ANKRD44: variants seen among roughly 807,000 people sequenced by gnomAD.
ANKRD44 encodes serine/threonine-protein phosphatase 6 regulatory ankyrin repeat subunit B.
Under a neutral mutation model 116.0 loss-of-function variants are expected in ANKRD44, and 35 were observed. That is an observed-to-expected ratio of 0.30 (90% CI 0.23 to 0.40). The LOEUF is 0.40. ANKRD44 is among the 10% of genes least tolerant of loss of function. ANKRD44 has a pLI of 1.00. For missense variants in ANKRD44, 1,014 were observed against 1,242.6 expected (o/e 0.82, Z 2.77); for synonymous variants, 435 against 461.8 (o/e 0.94, Z 0.74).
rs560068830 is a variant in ANKRD44 at position 197,092,117 on chromosome 2, CA to C, written c.1101-2086del. On this transcript the variant is annotated intron_variant, in intron 10 of 27. Transcript: ENST00000282272. ...GTGCTGAATTGTGGCTCATAATAAA[CA>C]GCATCACCAGGTGGCTCCTGTGTAC... Among the ~76,000 whole-genome samples, 3 of 152,310 alleles carry C rather than the reference CA, an allele frequency of 2.0e-5. No homozygotes were observed. The East Asian group carries it at 5.8e-4, about 29-fold the overall frequency.
At chr2:197,068,802 G>A (rs987009952) in intron 16 of ANKRD44, among the ~76,000 whole-genome samples, 3 of 152,176 alleles carry the variant, frequency 2.0e-5, no homozygotes, top group Non-Finnish European at 4.4e-5. Flanking sequence ...GAAACAACAG[G>A]TGCTGGAGAG....
At chr2:197,060,103 A>T (rs1259324883) in intron 16 of ANKRD44, among the ~76,000 whole-genome samples, 1 of 152,204 alleles carries the variant, frequency 6.6e-6, no homozygotes, top group Non-Finnish European at 1.5e-5. Flanking sequence ...CTAGGACATC[A>T]TGTTTTATCT....
At chr2:196,999,689 G>A (rs1426366821) in intron 23 of ANKRD44, among the ~76,000 whole-genome samples, 1 of 151,934 alleles carries the variant, frequency 6.6e-6, no homozygotes, top group Non-Finnish European at 1.5e-5. Context: ...TGCCTCATGG[G>A]TTCACGCCAT....
At chr2:196,999,418 G>A (rs765334963) in intron 23 of ANKRD44, among the ~76,000 whole-genome samples, 18 of 151,984 alleles carry the variant, frequency 1.2e-4, no homozygotes, top group Non-Finnish European at 1.2e-4. Context: ...TTAAAAACCC[G>A]TCACATCATC....
intron 4 of ANKRD44, among the ~76,000 whole-genome samples, chr2:197,128,973 A>T (rs1307047661): frequency 6.6e-6 from 1 of 152,120 alleles, no homozygotes; most frequent in East Asian, 1.9e-4. Flanking sequence ...CTATAAATGT[A>T]ATTATTTTAT....
intron 9 of ANKRD44, among the ~76,000 whole-genome samples, chr2:197,106,807 T>TATATA (rs1553509477): frequency 0.078 from 8,374 of 107,040 alleles, 674 homozygotes; most frequent in African/African-American, 0.23. Context: ...TATATATATA[T>TATATA]TTTTTTTTTT....
chr2:197,101,371 G>A (rs2078289833), intron 9 of ANKRD44, among the ~76,000 whole-genome samples: 1 of 152,144 alleles, frequency 6.6e-6, no homozygotes, highest in South Asian at 2.1e-4. Context: ...ACAATTCCCA[G>A]AGCAGATGCG....
chr2:197,199,823 C>A (rs1290189536), intron 1 of ANKRD44, among the ~76,000 whole-genome samples: 1 of 152,144 alleles, frequency 6.6e-6, no homozygotes, highest in Non-Finnish European at 1.5e-5. Context: ...AGGATTAAAT[C>A]ATTTCTCTTA....
chr2:197,140,598 GAT>G (rs1337201773), intron 3 of ANKRD44, among the ~76,000 whole-genome samples: 2 of 151,928 alleles, frequency 1.3e-5, no homozygotes, highest in Admixed American at 1.3e-4. Context: ...TGGGATTACA[GAT>G]GTGAGCCACC....
intron 1 of ANKRD44, among the ~76,000 whole-genome samples, chr2:197,309,574 C>T (rs1212556876): frequency 1.3e-5 from 2 of 152,134 alleles, no homozygotes; most frequent in Non-Finnish European, 2.9e-5. Context: ...TATTTAATAC[C>T]AAGGGCTGGC....
At chr2:197,103,928 T>A (rs73051317) in intron 9 of ANKRD44, among the ~76,000 whole-genome samples, 8,381 of 152,226 alleles carry the variant, frequency 0.055, 454 homozygotes, top group African/African-American at 0.13. Context: ...TACATTACAA[T>A]CCTTCCCATG....
intron 16 of ANKRD44, among the ~76,000 whole-genome samples, chr2:197,042,188 C>T (rs1304644145): frequency 6.6e-6 from 1 of 152,080 alleles, no homozygotes; most frequent in African/African-American, 2.4e-5. Context: ...ACTGCGGGGT[C>T]CACCTTAGCC....
intron 17 of ANKRD44, chr2:197,015,208 G>A: frequency 3.2e-6 from 1 of 311,726 alleles, no homozygotes; most frequent in Non-Finnish European, 6.2e-6. Context: ...AGGAACCAGA[G>A]AGCTGTTTCT....
Position 196,988,534 on chromosome 2 carries a change from T to TAATTAAATC in ANKRD44, c.*1048_*1056dup. The TAATTAAATC allele has an allele frequency of 2.0e-6, 2 of 985,300 alleles. No individual in the cohort carries two copies. The highest frequency in any genetic ancestry group is 2.4e-6 in the Non-Finnish European group (2 of 829,802). The allele number at this position is 985,300 out of a possible 1,614,324, so 61.0% of individuals were successfully genotyped here. On this transcript the variant is annotated 3_prime_UTR_variant, in exon 28 of 28. Coordinates refer to ENST00000282272, the MANE Select transcript of ANKRD44 (RefSeq NM_001195144.2). Reference sequence around the variant, plus strand: ...TTTGTGAAGAACCCAACAGGAGTTTTAATTAAATCCAGGATATTAAGAGTA... The same window carrying TAATTAAATC: ...TTTGTGAAGAACCCAACAGGAGTTTTAATTAAATCAATTAAATCCAGGATATTAAGAGTA...
intron 1 of ANKRD44, among the ~76,000 whole-genome samples, chr2:197,188,293 AG>A (rs1254707141): frequency 6.6e-6 from 1 of 152,174 alleles, no homozygotes; most frequent in African/African-American, 2.4e-5. Context: ...GGTGAAGACA[AG>A]GGTGTATCCA....
In ANKRD44 at chr2:197,187,103, G is replaced by T. The variant is rs1274469710; in HGVS notation, c.31C>A (p.Pro11Thr). 6.2e-7 allele frequency: 1 copy of T among 1,614,010 alleles called. No individual in the cohort carries two copies. The highest frequency in any genetic ancestry group is 2.2e-5 in the East Asian group (1 of 44,874). The change falls in exon 2 of 28, where the codon CCA becomes ACA. Residue 11 changes from proline to threonine, a missense_variant. Pro to Thr is a conservative substitution (Grantham distance 38). Coordinates refer to ENST00000282272, the MANE Select transcript of ANKRD44 (RefSeq NM_001195144.2). ...CCGCTGAAGATTGCCTGAACCAATGGTGGCTGCAAACACAAGAGAATGGGA... is the reference window on the plus strand; with the variant it reads ...CCGCTGAAGATTGCCTGAACCAATGTTGGCTGCAAACACAAGAGAATGGGA... MAVLKLTDQP[P>T]LVQAIFSGDP...
Position 197,288,001 on chromosome 2 carries a change from C to G in ANKRD44, c.27+22577G>C, listed in dbSNP as rs146301242. ...CATCATTGCACTCCAGCCTGGGTGA[C>G]AGAGTGAGACTCAGTCTCAAAAAAA... On this transcript the variant is annotated intron_variant, in intron 1 of 27. Coordinates refer to ENST00000282272, the MANE Select transcript of ANKRD44 (RefSeq NM_001195144.2). Among the ~76,000 whole-genome samples the G allele has an allele frequency of 8.3e-3, 958 of 116,052 alleles. 9 individuals are homozygous for G. Among genetic ancestry groups the G allele is most frequent in the African/African-American group, 0.029 (908 of 31,062 alleles). 76.1% of individuals were successfully genotyped at this position (116,052 alleles called of 152,430 possible).
At chr2:197,138,918 C>T (rs1162120465) in intron 3 of ANKRD44, among the ~76,000 whole-genome samples, 2 of 152,090 alleles carry the variant, frequency 1.3e-5, no homozygotes, top group Non-Finnish European at 2.9e-5. Flanking sequence ...AATGTCAAGA[C>T]ACATATGGAA....
At chr2:196,979,156 G>A (rs902845847) in intron 21 of ANKRD44, among the ~76,000 whole-genome samples, 1 of 151,898 alleles carries the variant, frequency 6.6e-6, no homozygotes, top group African/African-American at 2.4e-5. Context: ...CAGCACTTTG[G>A]GAGGCCGAGG....
Sources: gnomAD v4.1 joint callset for allele counts (sites outside exome capture counted in the v4.1 genomes callset) on GRCh38, gnomAD v4.1.1 for gene constraint, MANE v1.5 for transcripts, NCBI Gene and HGNC (gene_info 2026-07-23, HGNC 2026-07-21) for gene names.